Variants in LPCAT3 observed in about 807,000 individuals in gnomAD.
The protein encoded by LPCAT3 is lysophosphatidylcholine acyltransferase 3, also known as lysophospholipid acyltransferase 5.
LPCAT3 carries 21 observed loss-of-function variants against 63.4 expected under a neutral mutation model. That is an observed-to-expected ratio of 0.33 (90% CI 0.23 to 0.48). The LOEUF (loss-of-function observed/expected upper bound fraction) is 0.48. LPCAT3 is among the 20% of genes least tolerant of loss of function. The pLI is 0.99. For missense variants in LPCAT3, 451 were observed against 590.6 expected (o/e 0.76, Z 2.45); for synonymous variants, 242 against 227.5 (o/e 1.06, Z -0.58).
chr12:7,011,647 CAA>C (rs1177972639), intron 1 of LPCAT3, among the ~76,000 whole-genome samples: 5,505 of 75,552 alleles, frequency 0.073, 119 homozygotes, highest in African/African-American at 0.15. Flanking sequence ...CACCATGTCT[CAA>C]AAAAAAAAAA....
intron 1 of LPCAT3, among the ~76,000 whole-genome samples, chr12:7,000,448 C>T (rs1946675274): frequency 1.3e-5 from 2 of 149,352 alleles, no homozygotes; most frequent in South Asian, 2.2e-4. Context: ...AAAGCCGGGG[C>T]GTGGTGGCGG....
intron 1 of LPCAT3, among the ~76,000 whole-genome samples, chr12:7,000,480 C>T (rs1399004296): frequency 2.9e-5 from 4 of 139,164 alleles, no homozygotes; most frequent in African/African-American, 1.1e-4. Flanking sequence ...CCCAGCTACT[C>T]GGGAGGCTGA....
intron 1 of LPCAT3, among the ~76,000 whole-genome samples, chr12:7,013,515 G>A (rs1946779169): frequency 6.6e-6 from 1 of 152,170 alleles, no homozygotes; most frequent in Non-Finnish European, 1.5e-5. Flanking sequence ...AATAGTAGAT[G>A]GATCTGAGAC....
chr12:6,990,717 G>A (rs1946581020), intron 1 of LPCAT3, among the ~76,000 whole-genome samples: 1 of 151,130 alleles, frequency 6.6e-6, no homozygotes, highest in African/African-American at 2.4e-5. Context: ...GAGGTCAGGA[G>A]TTTGAGACCA....
intron 5 of LPCAT3, 67 bp downstream of exon 5, chr12:6,981,528 T>C: frequency 6.5e-7 from 1 of 1,534,856 alleles, no homozygotes; most frequent in Non-Finnish European, 9.0e-7. Context: ...GTTCAGTCTT[T>C]TGTTAACAAC....
chr12:6,996,782 G>A (rs1443536256), intron 1 of LPCAT3, among the ~76,000 whole-genome samples: 6 of 152,214 alleles, frequency 3.9e-5, no homozygotes, highest in Non-Finnish European at 8.8e-5. Context: ...CAATGTTGTA[G>A]AGGTTAAAGA....
chr12:7,007,041 T>C (rs185117611), intron 1 of LPCAT3, among the ~76,000 whole-genome samples: 3 of 152,292 alleles, frequency 2.0e-5, no homozygotes, highest in East Asian at 1.9e-4. Flanking sequence ...TCTTCTATTA[T>C]AGCAAATTCT....
rs1946411755 is a variant in LPCAT3 at position 6,977,046 on chromosome 12, C to T, written c.*12+88G>A. 5.9e-6 allele frequency: 5 copies of T among 842,094 alleles called. No individual in the cohort carries two copies. In the Admixed American group the frequency reaches 9.2e-5, roughly 16 times the overall value. The allele number at this position is 842,094 out of a possible 1,614,324, so 52.2% of individuals were successfully genotyped here. ...AGCCAGGCTAATCCTTGGAATTCACCCCAGATTTCTAATACTATTGTTTTT... is the reference window on the plus strand; with the variant it reads ...AGCCAGGCTAATCCTTGGAATTCACTCCAGATTTCTAATACTATTGTTTTT... On this transcript the variant is annotated intron_variant, in intron 12 of 12. Transcript: ENST00000261407. The surrounding 1 kb of genome is among the most constrained non-coding windows in gnomAD (Gnocchi z 4.5).
Position 7,018,454 on chromosome 12 carries a change from C to G in LPCAT3, c.-30G>C. The G allele has an allele frequency of 1.3e-6, 2 of 1,549,572 alleles. No homozygotes were observed. Among genetic ancestry groups the G allele is most frequent in the South Asian group, 1.2e-5 (1 of 83,728 alleles). ...ACTCCGGGAGCCCCACAGGGACCCCCCAGCTCCGCGCGCCCCGAATGCGGG... is the reference window on the plus strand; with the variant it reads ...ACTCCGGGAGCCCCACAGGGACCCCGCAGCTCCGCGCGCCCCGAATGCGGG... On this transcript the variant is annotated 5_prime_UTR_variant, in exon 1 of 13. Coordinates refer to ENST00000261407, the MANE Select transcript of LPCAT3 (RefSeq NM_005768.6). The surrounding 1 kb of genome is among the most constrained non-coding windows in gnomAD (Gnocchi z 4.9).
At chr12:6,995,098 TC>T (rs1480319391) in intron 1 of LPCAT3, among the ~76,000 whole-genome samples, 7 of 149,364 alleles carry the variant, frequency 4.7e-5, no homozygotes, top group Non-Finnish European at 7.4e-5. Context: ...CATAAATTTC[TC>T]CCTAAATCAG....
Position 7,017,511 on chromosome 12 carries a change from A to G in LPCAT3, c.151+763T>C, listed in dbSNP as rs782210641. On this transcript the variant is annotated intron_variant, in intron 1 of 12. Transcript: ENST00000261407. The surrounding 1 kb of genome is among the most constrained non-coding windows in gnomAD (Gnocchi z 4.1). ...CTATGCTACCTCCATGTATTAAACC[A>G]TGGAGTGAGGATGCGGTAAAAAAGC... 1.1e-4 allele frequency among the ~76,000 whole-genome samples: 17 copies of G among 152,180 alleles called. No homozygotes were observed. Among genetic ancestry groups the G allele is most frequent in the Non-Finnish European group, 2.4e-4 (16 of 68,028 alleles).
chr12:6,996,093 G>A (rs781848640), intron 1 of LPCAT3, among the ~76,000 whole-genome samples: 6 of 152,192 alleles, frequency 3.9e-5, no homozygotes, highest in South Asian at 2.1e-4. Context: ...GCCAGCACCC[G>A]CAGGTTCTGT....
intron 1 of LPCAT3, among the ~76,000 whole-genome samples, chr12:6,998,485 T>G (rs1276740539): frequency 6.6e-6 from 1 of 152,180 alleles, no homozygotes; most frequent in East Asian, 1.9e-4. Context: ...TTCCTTATGT[T>G]AGAGAACTTA....
intron 1 of LPCAT3, among the ~76,000 whole-genome samples, chr12:7,016,021 TAAC>T (rs1319336601): frequency 1.3e-5 from 2 of 152,196 alleles, no homozygotes; most frequent in Non-Finnish European, 2.9e-5. Flanking sequence ...TTGCCCCTTA[TAAC>T]TGGTTGCTAC....
At chr12:6,983,645 A>G (rs1555154453) in intron 1 of LPCAT3, 106 bp from the exon 2 acceptor site, 4 of 711,102 alleles carry the variant, frequency 5.6e-6, no homozygotes. Flanking sequence ...GAGAGAGAAA[A>G]AAAAAACAAC....
intron 1 of LPCAT3, among the ~76,000 whole-genome samples, chr12:7,002,288 C>T (rs1946693456): frequency 6.6e-6 from 1 of 152,166 alleles, no homozygotes; most frequent in Non-Finnish European, 1.5e-5. Flanking sequence ...TTCTGGTTCT[C>T]TCTCAAGTCC....
intron 1 of LPCAT3, among the ~76,000 whole-genome samples, chr12:6,999,498 C>A (rs1429478578): frequency 6.6e-6 from 1 of 152,202 alleles, no homozygotes; most frequent in Non-Finnish European, 1.5e-5. Context: ...TACCAAAATT[C>A]TTTAATTTCT....
chr12:6,997,379 A>G (rs782714113), intron 1 of LPCAT3: 99 of 114,152 alleles, frequency 8.7e-4, no homozygotes, highest in East Asian at 3.8e-3. Flanking sequence ...ACAGCAAATT[A>G]TGTGTGTGTG....
chr12:6,982,743 T>G lies in LPCAT3; in HGVS notation c.299A>C (p.Gln100Pro). The change falls in exon 3 of 13, where the codon CAG becomes CCG. Residue 100 changes from glutamine to proline, a missense_variant. This residue lies in a region of LPCAT3 where 133 missense variants were observed against 152.1 expected (regional missense o/e 0.87). Coordinates refer to ENST00000261407, the MANE Select transcript of LPCAT3 (RefSeq NM_005768.6). ...LYHSLLCIVL[Q>P]FLILRLMGRT... is the part of the protein sequence containing the mutation. ...GCCCATTAGTCGAAGGATGAGGAACTGAAGCACAATACACAGCAGGGAGTG... is the reference window on the plus strand; with the variant it reads ...GCCCATTAGTCGAAGGATGAGGAACGGAAGCACAATACACAGCAGGGAGTG... 6.2e-7 allele frequency: 1 copy of G among 1,614,046 alleles called. No individual in the cohort carries two copies. The highest frequency in any genetic ancestry group is 8.5e-7 in the Non-Finnish European group (1 of 1,179,920).
Sources: gnomAD v4.1 joint callset for allele counts (sites outside exome capture counted in the v4.1 genomes callset) on GRCh38, gnomAD v4.1.1 for gene constraint, gnomAD v4.1.1 regional missense constraint, Gnocchi (gnomAD v3.1) non-coding constraint, MANE v1.5 for transcripts, NCBI Gene and HGNC (gene_info 2026-07-23, HGNC 2026-07-21) for gene names.